INTS9: variants seen among roughly 807,000 people sequenced by gnomAD.
INTS9 encodes protein related to CPSF subunits of 74 kDa.
INTS9 carries 55 observed loss-of-function variants against 79.7 expected under a neutral mutation model. The observed-to-expected ratio is 0.69, with a 90% confidence interval of 0.56 to 0.86. The LOEUF (loss-of-function observed/expected upper bound fraction) is 0.86, where lower values mean the gene tolerates loss of function less well. Among genes scored for constraint, INTS9 ranks in the 40% least tolerant of loss-of-function variants. The pLI is 0.00. For missense variants in INTS9, 721 were observed against 831.5 expected (o/e 0.87, Z 1.64); for synonymous variants, 319 against 325.2 (o/e 0.98, Z 0.20).
At chr8:28,829,090 A>C (rs1169182873) in intron 6 of INTS9, among the ~76,000 whole-genome samples, 7 of 152,252 alleles carry the variant, frequency 4.6e-5, no homozygotes, top group Non-Finnish European at 8.8e-5. Context: ...TCATTGCTTA[A>C]TGCTTGCATG....
intron 14 of INTS9, among the ~76,000 whole-genome samples, chr8:28,773,522 T>C (rs534659641): frequency 6.6e-6 from 1 of 151,322 alleles, no homozygotes; most frequent in South Asian, 2.1e-4. Context: ...CAGACCATTA[T>C]GCAACCATTA....
intron 2 of INTS9, among the ~76,000 whole-genome samples, chr8:28,857,684 T>C (rs1475612928): frequency 1.3e-5 from 2 of 152,152 alleles, no homozygotes; most frequent in Non-Finnish European, 2.9e-5. Context: ...AATTCATTCA[T>C]ACAACAAATA....
chr8:28,836,698 G>A (rs79929539), intron 5 of INTS9, among the ~76,000 whole-genome samples: 4,945 of 152,238 alleles, frequency 0.032, 280 homozygotes, highest in African/African-American at 0.11. Context: ...TTCCAGACTA[G>A]AGGCTAGTTT....
At chr8:28,885,383 G>C (rs747408400) in intron 1 of INTS9, among the ~76,000 whole-genome samples, 1 of 152,076 alleles carries the variant, frequency 6.6e-6, no homozygotes, top group Non-Finnish European at 1.5e-5. Context: ...CCCTCCCAAA[G>C]GATTAACATT....
intron 8 of INTS9, among the ~76,000 whole-genome samples, chr8:28,801,805 G>A (rs1427858061): frequency 1.3e-5 from 2 of 152,096 alleles, no homozygotes; most frequent in Admixed American, 6.6e-5. Flanking sequence ...TAGAGATGGA[G>A]TTTTACCATG....
Position 28,768,325 on chromosome 8 carries a change from G to T in INTS9, c.1801-3C>A, listed in dbSNP as rs2130827619. ...ACCTTAATATCACTGAAGCCATGCTGCTCCAGAAGAAAAGAAAGAGGTGGG... is the reference window on the plus strand; with the variant it reads ...ACCTTAATATCACTGAAGCCATGCTTCTCCAGAAGAAAAGAAAGAGGTGGG... On this transcript the variant is annotated splice_region_variant and splice_polypyrimidine_tract_variant and intron_variant, in intron 16 of 16. Coordinates refer to ENST00000521022, the MANE Select transcript of INTS9 (RefSeq NM_018250.4). The T allele has an allele frequency of 1.2e-6, 2 of 1,612,702 alleles. No homozygotes were observed. The highest frequency in any genetic ancestry group is 2.2e-5 in the South Asian group (2 of 91,076).
At chr8:28,772,373 G>T (rs1802597993) in intron 14 of INTS9, among the ~76,000 whole-genome samples, 1 of 152,116 alleles carries the variant, frequency 6.6e-6, no homozygotes, top group Non-Finnish European at 1.5e-5. Context: ...AATTAGCTAG[G>T]ATTGGTGGCA....
chr8:28,767,960 T>C lies in INTS9; in HGVS notation c.*186A>G, dbSNP rs978097623. 7 of 626,112 alleles carry C rather than the reference T, an allele frequency of 1.1e-5. No individual in the cohort carries two copies. Among genetic ancestry groups the C allele is most frequent in the Non-Finnish European group, 1.4e-5 (5 of 354,302 alleles). The allele number at this position is 626,112 out of a possible 1,614,324, so 38.8% of individuals were successfully genotyped here. A position where few individuals can be genotyped will look rare whatever the true frequency, so the allele number is the denominator to read the frequency against. On this transcript the variant is annotated 3_prime_UTR_variant, in exon 17 of 17. Coordinates refer to ENST00000521022, the MANE Select transcript of INTS9 (RefSeq NM_018250.4). Reference sequence around the variant, plus strand: ...ATGAGCCTGAAGTTGAAAGGGAAAGTTCTTGCCTGAAACAGTGCTGGGAAT... The same window carrying C: ...ATGAGCCTGAAGTTGAAAGGGAAAGCTCTTGCCTGAAACAGTGCTGGGAAT...
intron 1 of INTS9, among the ~76,000 whole-genome samples, chr8:28,871,602 C>T (rs1391749754): frequency 6.6e-6 from 1 of 151,990 alleles, no homozygotes; most frequent in South Asian, 2.1e-4. Context: ...GATGAAGCCT[C>T]ACTATGTTGC....
chr8:28,834,192 A>T (rs1401158117), intron 6 of INTS9, among the ~76,000 whole-genome samples: 2 of 152,122 alleles, frequency 1.3e-5, no homozygotes, highest in Non-Finnish European at 1.5e-5. Context: ...ATGCTCACGG[A>T]TACTGCCTTA....
chr8:28,802,946 C>CAAA (rs575727940), intron 8 of INTS9, among the ~76,000 whole-genome samples: 12 of 65,282 alleles, frequency 1.8e-4, no homozygotes, highest in African/African-American at 5.8e-4. Flanking sequence ...CCCGTTTCTA[C>CAAA]AAAAAAAAAA....
chr8:28,887,272 G>A (rs990313215), intron 1 of INTS9, among the ~76,000 whole-genome samples: 1 of 152,252 alleles, frequency 6.6e-6, no homozygotes, highest in South Asian at 2.1e-4. Flanking sequence ...ATACTGAGAG[G>A]GTTTCATGGA....
At chr8:28,853,880 G>A (rs1416531227) in intron 2 of INTS9, among the ~76,000 whole-genome samples, 9 of 151,226 alleles carry the variant, frequency 6.0e-5, no homozygotes, top group African/African-American at 1.7e-4. Flanking sequence ...CACCACGCTC[G>A]GCTAATTTTT....
chr8:28,816,965 T>C (rs1805521947), intron 6 of INTS9, among the ~76,000 whole-genome samples: 1 of 149,774 alleles, frequency 6.7e-6, no homozygotes, highest in Non-Finnish European at 1.5e-5. Flanking sequence ...TTGAGAAGTG[T>C]CTGTTCATGT....
chr8:28,886,096 T>A (rs549988871), intron 1 of INTS9, among the ~76,000 whole-genome samples: 1 of 152,170 alleles, frequency 6.6e-6, no homozygotes, highest in African/African-American at 2.4e-5. Flanking sequence ...GTTAGAGAAT[T>A]ATAAATGGTA....
At chr8:28,807,669 A>G (rs1440096329) in intron 8 of INTS9, among the ~76,000 whole-genome samples, 1 of 152,254 alleles carries the variant, frequency 6.6e-6, no homozygotes, top group African/African-American at 2.4e-5. Context: ...TTGATAAGGT[A>G]TAACACTTAT....
intron 13 of INTS9, among the ~76,000 whole-genome samples, chr8:28,776,825 C>T (rs1259955416): frequency 1.3e-5 from 2 of 152,148 alleles, no homozygotes; most frequent in Non-Finnish European, 2.9e-5. Flanking sequence ...AGGATTAGCA[C>T]CTGACAGAGG....
At chr8:28,832,343 G>C (rs1009675863) in intron 6 of INTS9, among the ~76,000 whole-genome samples, 1 of 152,212 alleles carries the variant, frequency 6.6e-6, no homozygotes, top group Non-Finnish European at 1.5e-5. Context: ...CACATGTCCA[G>C]AAAATGTTTC....
chr8:28,812,237 T>A (rs886363419), intron 8 of INTS9, 90 bp downstream of exon 8: 3 of 1,327,310 alleles, frequency 2.3e-6, no homozygotes, highest in Middle Eastern at 2.1e-4. Flanking sequence ...ATTTGGAAGA[T>A]TTAAAAATGG....
Sources: allele counts gnomAD v4.1 joint callset (sites outside exome capture counted in the v4.1 genomes callset), GRCh38; gene constraint gnomAD v4.1.1; transcripts MANE v1.5; gene names NCBI Gene and HGNC (gene_info 2026-07-23, HGNC 2026-07-21).